The following NAV2 variants were observed in gnomAD, a reference collection of about 807,000 sequenced individuals.
NAV2 encodes neuron navigator 2, also known as helicase, APC down-regulated 1.
Under a neutral mutation model 223.2 loss-of-function variants are expected in NAV2, and 54 were observed. The observed-to-expected ratio is 0.24, with a 90% CI of 0.19 to 0.30. The LOEUF is 0.30. Ranked by LOEUF, NAV2 falls within the 10% of genes least tolerant of loss-of-function variation. The pLI is 1.00. For missense variants in NAV2, 2,806 were observed against 3,147.5 expected (o/e 0.89, Z 2.60); for synonymous variants, 1,279 against 1,239.3 (o/e 1.03, Z -0.67).
chr11:19,582,441 A>G (rs1484757984), intron 1 of NAV2, among the ~76,000 whole-genome samples: 1 of 152,204 alleles, frequency 6.6e-6, no homozygotes, highest in African/African-American at 2.4e-5. Flanking sequence ...GTCCTTGCCC[A>G]TGCTTATGTC....
intron 1 of NAV2, among the ~76,000 whole-genome samples, chr11:19,747,434 G>A (rs1271031988): frequency 1.3e-5 from 2 of 152,158 alleles, no homozygotes; most frequent in Admixed American, 6.5e-5. Context: ...GGCTTAGAGA[G>A]GTTGAATCAG....
At chr11:19,489,423 G>C (rs2042551089) in intron 1 of NAV2, among the ~76,000 whole-genome samples, 1 of 152,210 alleles carries the variant, frequency 6.6e-6, no homozygotes, top group African/African-American at 2.4e-5. Context: ...GGAAGGCAGA[G>C]ACTATAGTTT....
At position 20,114,766 on chromosome 11, in the gene NAV2, C is replaced by T; in HGVS notation, c.7135C>T (p.Pro2379Ser). The change falls in exon 37 of 38, where the codon CCC becomes TCC. Residue 2379 changes from proline to serine, a missense_variant. Around this residue, in one of 4 missense-constraint regions of NAV2, gnomAD observed 824 missense variants for 1,069.4 expected, o/e 0.77. Coordinates refer to ENST00000349880, the MANE Select transcript of NAV2 (RefSeq NM_145117.5). Reference sequence around the variant, plus strand: ...GGAGGGATCGACAAGCAAGCAGATGCCCCCCAGTGATGCTGAAGGTGACCC... The same window carrying T: ...GGAGGGATCGACAAGCAAGCAGATGTCCCCCAGTGATGCTGAAGGTGACCC... ...PREGSTSKQMPPSDAEGDPLM... is the reference protein window; with the variant it reads ...PREGSTSKQMSPSDAEGDPLM... The T allele has an allele frequency of 1.9e-6, 3 of 1,613,674 alleles. No homozygotes were observed. Among genetic ancestry groups the T allele is most frequent in the South Asian group, 1.1e-5 (1 of 90,990 alleles).
intron 8 of NAV2, among the ~76,000 whole-genome samples, chr11:19,943,502 A>G (rs545043038): frequency 2.0e-5 from 3 of 152,282 alleles, no homozygotes; most frequent in East Asian, 1.9e-4. Context: ...AATCATGGGT[A>G]TATCATTTAC....
chr11:19,369,392 A>G (rs571287606), intron 1 of NAV2, among the ~76,000 whole-genome samples: 2 of 152,188 alleles, frequency 1.3e-5, no homozygotes, highest in South Asian at 2.1e-4. Flanking sequence ...AATGACCACA[A>G]CTTCATTTCT....
At chr11:19,716,091 G>A (rs903604244) in intron 1 of NAV2, among the ~76,000 whole-genome samples, 11 of 152,168 alleles carry the variant, frequency 7.2e-5, no homozygotes, top group Admixed American at 6.5e-4. Flanking sequence ...ATGGCATGAG[G>A]ACTGTGTCTG....
At chr11:19,947,464 C>T (rs117407959) in intron 9 of NAV2, among the ~76,000 whole-genome samples, 1,629 of 152,318 alleles carry the variant, frequency 0.011, 11 homozygotes, top group Non-Finnish European at 0.016. Context: ...GATCTTGTGA[C>T]TCTACCATTA....
chr11:19,418,635 G>A (rs1850480681), intron 1 of NAV2, among the ~76,000 whole-genome samples: 1 of 152,200 alleles, frequency 6.6e-6, no homozygotes, highest in African/African-American at 2.4e-5. Flanking sequence ...TGGATCTGAA[G>A]CAAAATAAGC....
At position 19,868,816 on chromosome 11, in the gene NAV2, G is replaced by A. The variant is rs75923433; in HGVS notation, c.439-109G>A. ...AAGAGAGTGTCCTATCTTGGCGTTC[G>A]TTCATCGGCCGTTTTTACAGCATTC... On this transcript the variant is annotated intron_variant, in intron 3 of 37. Coordinates refer to ENST00000349880, the MANE Select transcript of NAV2 (RefSeq NM_145117.5). The A allele has an allele frequency of 5.1e-3, 5,313 of 1,039,598 alleles. 73 individuals are homozygous for A. The highest frequency in any genetic ancestry group is 0.036 in the African/African-American group (2,269 of 63,052). 64.4% of individuals were successfully genotyped at this position (1,039,598 alleles called of 1,614,324 possible). A position where few individuals can be genotyped will look rare whatever the true frequency, so the allele number is the denominator to read the frequency against.
chr11:19,951,967 T>A (rs1011757552), intron 10 of NAV2, among the ~76,000 whole-genome samples: 1 of 152,226 alleles, frequency 6.6e-6, no homozygotes, highest in Non-Finnish European at 1.5e-5. Context: ...TGAGGAGAGG[T>A]AGCCCAGATG....
At chr11:20,002,829 T>C (rs1475966874) in intron 11 of NAV2, among the ~76,000 whole-genome samples, 3 of 152,130 alleles carry the variant, frequency 2.0e-5, no homozygotes, top group African/African-American at 4.8e-5. Flanking sequence ...GGGTCAGCCT[T>C]GTGTTCTTGG....
At chr11:19,777,981 G>A (rs940968486) in intron 1 of NAV2, 3 of 439,932 alleles carry the variant, frequency 6.8e-6, no homozygotes, top group South Asian at 3.1e-5. Context: ...CATGAGCCCC[G>A]AGTGAGTGAG....
intron 1 of NAV2, among the ~76,000 whole-genome samples, chr11:19,509,754 C>T (rs753617417): frequency 6.6e-6 from 1 of 152,122 alleles, no homozygotes; most frequent in Non-Finnish European, 1.5e-5. Flanking sequence ...GCCCCTAAAA[C>T]TCTAAGGAGA....
Position 20,104,022 on chromosome 11 carries a change from T to C in NAV2, c.6644+298T>C, listed in dbSNP as rs533046777. On this transcript the variant is annotated intron_variant, in intron 34 of 37. Coordinates refer to ENST00000349880, the MANE Select transcript of NAV2 (RefSeq NM_145117.5). Reference sequence around the variant, plus strand: ...TCTCTGCCTCTGAGTCTTGCTGTCATAGGGTCAAGGGGGCAGCTCTGGAAG... The same window carrying C: ...TCTCTGCCTCTGAGTCTTGCTGTCACAGGGTCAAGGGGGCAGCTCTGGAAG... 6.6e-5 allele frequency among the ~76,000 whole-genome samples: 10 copies of C among 152,312 alleles called. No homozygotes were observed. The South Asian group carries it at 1.7e-3, about 25-fold the overall frequency.
At position 19,981,680 on chromosome 11, in the gene NAV2, C is replaced by T. The variant is rs145156956; in HGVS notation, c.2646-2445C>T. ...TTCCACTGAGTTCTCCTTGAAAGGA[C>T]GTGGGGTCTAGAAAGTCCAGCCTCT... On this transcript the variant is annotated intron_variant, in intron 10 of 37. Coordinates refer to ENST00000349880, the MANE Select transcript of NAV2 (RefSeq NM_145117.5). 4.0e-3 allele frequency among the ~76,000 whole-genome samples: 615 copies of T among 152,224 alleles called. 4 individuals carry two copies. Among genetic ancestry groups the T allele is most frequent in the African/African-American group, 0.014 (591 of 41,558 alleles).
intron 6 of NAV2, among the ~76,000 whole-genome samples, chr11:19,921,623 G>A (rs1299065950): frequency 6.6e-6 from 1 of 152,212 alleles, no homozygotes; most frequent in Non-Finnish European, 1.5e-5. Context: ...CACATATTTT[G>A]AGAGTCCTGT....
intron 11 of NAV2, chr11:20,022,703 G>A: frequency 9.8e-7 from 1 of 1,020,910 alleles, no homozygotes; most frequent in Non-Finnish European, 1.2e-6. Context: ...AGGATTTAAA[G>A]TAGTTTTTCA....
intron 1 of NAV2, among the ~76,000 whole-genome samples, chr11:19,765,306 C>A (rs955221475): frequency 5.9e-5 from 9 of 152,018 alleles, no homozygotes; most frequent in African/African-American, 2.2e-4. Context: ...ATCACATCAT[C>A]ATCTTCTTCT....
At chr11:19,412,389 A>C (rs1850182743) in intron 1 of NAV2, among the ~76,000 whole-genome samples, 1 of 152,214 alleles carries the variant, frequency 6.6e-6, no homozygotes, top group Non-Finnish European at 1.5e-5. Flanking sequence ...CTCTCTGGGC[A>C]GGGCATCTCT....
Sources: gnomAD v4.1 joint callset for allele counts (sites outside exome capture counted in the v4.1 genomes callset) on GRCh38, gnomAD v4.1.1 for gene constraint, gnomAD v4.1.1 regional missense constraint, MANE v1.5 for transcripts, NCBI Gene and HGNC (gene_info 2026-07-23, HGNC 2026-07-21) for gene names.